The following AKAP6 variants were observed in gnomAD, a reference collection of about 807,000 sequenced individuals.
The protein encoded by AKAP6 is A-kinase anchor protein 6.
In AKAP6, 58 loss-of-function variants were observed where a neutral mutation model predicts 188.5. The ratio of observed to expected loss-of-function variants is 0.31; its 90% confidence interval spans 0.25 to 0.38. The LOEUF (loss-of-function observed/expected upper bound fraction) is 0.38. Ranked by LOEUF, AKAP6 falls within the 10% of genes least tolerant of loss-of-function variation. AKAP6 has a pLI of 1.00. For missense variants in AKAP6, 2,710 were observed against 2,740.0 expected, an observed-to-expected ratio of 0.99 and a Z score of 0.24; for synonymous variants, 989 against 998.6, an observed-to-expected ratio of 0.99 and a Z score of 0.18.
At chr14:32,514,974 T>C (rs1881443669) in intron 2 of AKAP6, among the ~76,000 whole-genome samples, 1 of 152,186 alleles carries the variant, frequency 6.6e-6, no homozygotes, top group Admixed American at 6.5e-5. Context: ...ATCTGCACTG[T>C]TATTTCAGGG....
chr14:32,431,646 G>C (rs1207019664), intron 1 of AKAP6, among the ~76,000 whole-genome samples: 1 of 152,144 alleles, frequency 6.6e-6, no homozygotes, highest in Non-Finnish European at 1.5e-5. Flanking sequence ...CTGAGTAGCT[G>C]GGATTACAGG....
chr14:32,793,013 A>G (rs1271764963), intron 12 of AKAP6, among the ~76,000 whole-genome samples: 4 of 152,226 alleles, frequency 2.6e-5, no homozygotes. Context: ...GCCTTACAAA[A>G]GATCTTGAAG....
intron 2 of AKAP6, among the ~76,000 whole-genome samples, chr14:32,486,590 A>T (rs1879709171): frequency 6.6e-6 from 1 of 152,142 alleles, no homozygotes; most frequent in South Asian, 2.1e-4. Flanking sequence ...TGTGAATGGG[A>T]GTTCACTCAT....
intron 7 of AKAP6, among the ~76,000 whole-genome samples, chr14:32,612,697 G>C (rs1424274243): frequency 2.0e-5 from 3 of 152,114 alleles, no homozygotes; most frequent in African/African-American, 7.2e-5. Context: ...CTTGAGGCAG[G>C]TCTAGTTGGT....
intron 1 of AKAP6, among the ~76,000 whole-genome samples, chr14:32,352,262 T>G (rs1171387000): frequency 2.6e-5 from 4 of 151,938 alleles, no homozygotes; most frequent in Non-Finnish European, 5.9e-5. Flanking sequence ...TTCTTTTTTT[T>G]TTTGGTTTTA....
At chr14:32,765,969 A>T (rs1438015324) in intron 11 of AKAP6, among the ~76,000 whole-genome samples, 1 of 152,118 alleles carries the variant, frequency 6.6e-6, no homozygotes, top group Non-Finnish European at 1.5e-5. Flanking sequence ...TTATTTCAGA[A>T]TGTTTTCACC....
chr14:32,531,094 T>C (rs1882393132), intron 2 of AKAP6, among the ~76,000 whole-genome samples: 1 of 152,202 alleles, frequency 6.6e-6, no homozygotes, highest in Non-Finnish European at 1.5e-5. Context: ...GGTAACATAA[T>C]GTATTCAATA....
At chr14:32,762,525 C>T (rs2032573181) in intron 11 of AKAP6, among the ~76,000 whole-genome samples, 1 of 151,980 alleles carries the variant, frequency 6.6e-6, no homozygotes, top group Non-Finnish European at 1.5e-5. Context: ...AAGAATGCCA[C>T]ACAGAGATAA....
At chr14:32,387,584 G>A (rs1191132364) in intron 1 of AKAP6, among the ~76,000 whole-genome samples, 1 of 149,720 alleles carries the variant, frequency 6.7e-6, no homozygotes, top group South Asian at 2.1e-4. Context: ...TGCTTTTTCT[G>A]CATCTATTGA....
intron 12 of AKAP6, among the ~76,000 whole-genome samples, chr14:32,806,584 G>C (rs149176825): frequency 7.2e-5 from 11 of 152,284 alleles, no homozygotes; most frequent in African/African-American, 2.6e-4. Context: ...GGCTGAGGTG[G>C]GAGGATTGCT....
chr14:32,686,831 C>G (rs1889946832), intron 8 of AKAP6, among the ~76,000 whole-genome samples: 1 of 152,064 alleles, frequency 6.6e-6, no homozygotes, highest in Admixed American at 6.6e-5. Flanking sequence ...TGGTGAAGTT[C>G]CAGAAGATAC....
At chr14:32,567,156 A>C (rs140922585) in intron 4 of AKAP6, among the ~76,000 whole-genome samples, 1 of 152,242 alleles carries the variant, frequency 6.6e-6, no homozygotes, top group East Asian at 1.9e-4. Flanking sequence ...CCTGGACTCA[A>C]ATGATCCTCC....
chr14:32,732,156 C>T (rs541831027), intron 9 of AKAP6, among the ~76,000 whole-genome samples: 3 of 151,860 alleles, frequency 2.0e-5, no homozygotes, highest in East Asian at 1.9e-4. Flanking sequence ...AATATTAAAC[C>T]CCCCTAGACC....
At chr14:32,508,857 C>T (rs185630703) in intron 2 of AKAP6, among the ~76,000 whole-genome samples, 139 of 150,516 alleles carry the variant, frequency 9.2e-4, no homozygotes, top group African/African-American at 3.2e-3. Flanking sequence ...TACGGAGTCT[C>T]GCTCTGTTGC....
At chr14:32,598,290 G>A (rs767981504) in intron 5 of AKAP6, among the ~76,000 whole-genome samples, 56 of 152,074 alleles carry the variant, frequency 3.7e-4, no homozygotes, top group Non-Finnish European at 6.6e-4. Context: ...ACTTATCATG[G>A]AGATGCCAGA....
At chr14:32,412,054 A>G (rs1355402510) in intron 1 of AKAP6, among the ~76,000 whole-genome samples, 1 of 152,174 alleles carries the variant, frequency 6.6e-6, no homozygotes, top group Non-Finnish European at 1.5e-5. Context: ...TGCTACCTCA[A>G]AAGTTCCTTT....
chr14:32,694,753 G>GT (rs1455756914), intron 8 of AKAP6, among the ~76,000 whole-genome samples: 2 of 89,222 alleles, frequency 2.2e-5, no homozygotes, highest in African/African-American at 5.5e-5. Context: ...CACACCTTAA[G>GT]TTTTTTGACA....
intron 2 of AKAP6, among the ~76,000 whole-genome samples, chr14:32,475,963 G>A (rs149448829): frequency 0.018 from 2,773 of 152,048 alleles, 29 homozygotes; most frequent in Middle Eastern, 0.031. Flanking sequence ...GATTACAGGC[G>A]TGAGCCACTG....
intron 1 of AKAP6, among the ~76,000 whole-genome samples, chr14:32,394,450 A>G (rs1888808913): frequency 6.6e-6 from 1 of 152,210 alleles, no homozygotes; most frequent in Non-Finnish European, 1.5e-5. Context: ...TACTTCTACA[A>G]GGTGAGATGG....
Sources: allele counts gnomAD v4.1 joint callset (sites outside exome capture counted in the v4.1 genomes callset), GRCh38; gene constraint gnomAD v4.1.1; transcripts MANE v1.5; gene names NCBI Gene and HGNC (gene_info 2026-07-23, HGNC 2026-07-21).